The following DBNL variants were observed in gnomAD, a reference collection of about 807,000 sequenced individuals.
DBNL encodes the protein drebrin-like protein.
A neutral mutation model predicts 62.2 loss-of-function variants in DBNL; 35 were observed. The observed-to-expected ratio is 0.56, with a 90% CI of 0.43 to 0.75. The LOEUF is 0.75. Ranked by LOEUF, DBNL falls within the 30% of genes least tolerant of loss-of-function variation. The probability of loss-of-function intolerance (pLI) is 0.00; values close to 1 mark genes in which losing one functional copy is unlikely to be tolerated. For missense variants in DBNL, 495 were observed against 578.4 expected (o/e 0.86, Z 1.48); for synonymous variants, 197 against 218.0 (o/e 0.90, Z 0.85).
Position 44,061,026 on chromosome 7 carries a change from G to A in DBNL, c.*110G>A, listed in dbSNP as rs1008106950. ...CTCTTCCAGGAATAGGACCCCCAGT[G>A]AGGATGAGGCCTCAGGGCTCCCTCC... is the stretch of plus-strand genomic sequence containing the variant. On this transcript the variant is annotated 3_prime_UTR_variant, in exon 13 of 13. Coordinates refer to ENST00000448521, the MANE Select transcript of DBNL (RefSeq NM_001014436.3). The A allele has an allele frequency of 8.0e-5, 114 of 1,432,008 alleles. No individual in the cohort carries two copies. The highest frequency in any genetic ancestry group is 9.4e-5 in the Non-Finnish European group (101 of 1,076,184). The allele number at this position is 1,432,008 out of a possible 1,614,324, so 88.7% of individuals were successfully genotyped here. A position where few individuals can be genotyped will look rare whatever the true frequency, so the allele number is the denominator to read the frequency against.
At chr7:44,057,675 C>G (rs1490728377) in intron 5 of DBNL, 107 bp from the exon 6 acceptor site, 2 of 1,222,308 alleles carry the variant, frequency 1.6e-6, no homozygotes, top group East Asian at 4.8e-5. Flanking sequence ...CCAGTCCTAG[C>G]AGCACTCACC....
Position 44,051,905 on chromosome 7 carries a change from C to T in DBNL, c.215C>T (p.Pro72Leu), listed in dbSNP as rs1230204518. 1 of 1,614,032 alleles carries T rather than the reference C, an allele frequency of 6.2e-7. No homozygotes were observed. Among genetic ancestry groups the T allele is most frequent in the Non-Finnish European group, 8.5e-7 (1 of 1,180,028 alleles). ...VMYAFCRVKD[P>L]NSGLPKFVLI... ...TACGCCTTCTGCAGAGTGAAGGACC[C>T]CAACTCTGGACTGCCCAAATTTGTC... is the stretch of plus-strand genomic sequence containing the variant. The change falls in exon 3 of 13, where the codon CCC becomes CTC. Residue 72 changes from proline (P) to leucine (L), a missense_variant. Pro to Leu is a moderately conservative substitution (Grantham distance 98). Transcript: ENST00000448521.
Position 44,058,294 on chromosome 7 carries a change from G to T in DBNL, c.704+14G>T. On this transcript the variant is annotated intron_variant, in intron 7 of 12. Transcript: ENST00000448521. ...CAGCCCCCAGAGGTGAGCCAGAGGT[G>T]GAGGCTGGCCTGGGGGACCCACCCT... 6.3e-7 allele frequency: 1 copy of T among 1,576,758 alleles called. No homozygotes were observed.
chr7:44,056,130 T>C (rs1215852224), intron 4 of DBNL, among the ~76,000 whole-genome samples: 1 of 152,200 alleles, frequency 6.6e-6, no homozygotes, highest in East Asian at 1.9e-4. Context: ...TTCTTCTGCA[T>C]ATGGATATCC....
intron 1 of DBNL, 26 bp from the exon 2 acceptor site, chr7:44,050,199 C>T (rs2096124079): frequency 8.7e-6 from 14 of 1,612,826 alleles, no homozygotes; most frequent in African/African-American, 1.3e-5. Flanking sequence ...GTGCTGGCTA[C>T]AGAGCTCACT....
In DBNL at chr7:44,061,188, G is replaced by A; in HGVS notation, c.*272G>A. 1 of 459,194 alleles carries A rather than the reference G, an allele frequency of 2.2e-6. No homozygotes were observed. Among genetic ancestry groups the A allele is most frequent in the Non-Finnish European group, 3.9e-6 (1 of 257,312 alleles). The allele number at this position is 459,194 out of a possible 1,614,324, so 28.4% of individuals were successfully genotyped here. On this transcript the variant is annotated 3_prime_UTR_variant, in exon 13 of 13. Coordinates refer to ENST00000448521, the MANE Select transcript of DBNL (RefSeq NM_001014436.3). ...GGATACTGAGCCAAGCCCTGCCTGTGGCCAAGCCCTGAGTGGCCACTGCCA... is the reference window on the plus strand; with the variant it reads ...GGATACTGAGCCAAGCCCTGCCTGTAGCCAAGCCCTGAGTGGCCACTGCCA...
rs969444053 is a variant in DBNL at position 44,056,811 on chromosome 7, A to G, written c.382A>G (p.Ile128Val). 1.2e-6 allele frequency: 2 copies of G among 1,614,094 alleles called. No homozygotes were observed. The highest frequency in any genetic ancestry group is 1.7e-6 in the Non-Finnish European group (2 of 1,180,016). ...RAEEDVEPECIMEKVAKASGA... is the reference protein window; with the variant it reads ...RAEEDVEPECVMEKVAKASGA... ...CGAGGAGGATGTGGAGCCTGAGTGC[A>G]TCATGGAGAAGGTGGCCAAGGCTTC... is the stretch of plus-strand genomic sequence containing the variant. Residue 128 changes from isoleucine to valine, a missense_variant, in exon 5 of 13, where the codon ATC (isoleucine) becomes GTC (valine). By Grantham distance (29) the Ile-to-Val change is conservative. Coordinates refer to ENST00000448521, the MANE Select transcript of DBNL (RefSeq NM_001014436.3).
intron 1 of DBNL, among the ~76,000 whole-genome samples, chr7:44,045,393 A>C (rs980366203): frequency 6.6e-6 from 1 of 152,188 alleles, no homozygotes; most frequent in Non-Finnish European, 1.5e-5. Context: ...GTTTCTCCAA[A>C]AAGTGTACTC....
At chr7:44,050,508 G>T in intron 2 of DBNL, 1 of 442,080 alleles carries the variant, frequency 2.3e-6, no homozygotes, top group Middle Eastern at 6.9e-4. Context: ...TACTTGGGGA[G>T]AGCTGAGAGG....
intron 1 of DBNL, among the ~76,000 whole-genome samples, chr7:44,046,899 C>T (rs1369937850): frequency 6.6e-6 from 1 of 152,222 alleles, no homozygotes; most frequent in Admixed American, 6.5e-5. Flanking sequence ...CACACTGTGG[C>T]CACACCTGTT....
chr7:44,067,353 G>A lies in DBNL; in HGVS notation c.*6437G>A, dbSNP rs2096161907. The A allele has an allele frequency of 1.3e-5, 2 of 152,290 alleles. No individual in the cohort carries two copies. The highest frequency in any genetic ancestry group is 2.4e-5 in the African/African-American group (1 of 41,468). The allele number at this position is 152,290 out of a possible 1,614,324, so 9.4% of individuals were successfully genotyped here. A position where few individuals can be genotyped will look rare whatever the true frequency, so the allele number is the denominator to read the frequency against. On this transcript the variant is annotated 3_prime_UTR_variant, in exon 13 of 13. Coordinates refer to ENST00000448521, the MANE Select transcript of DBNL (RefSeq NM_001014436.3). ...TCAAGTCACTTGCAGCTGTGTAGGA[G>A]TGGAAGTAGAAGCTGAGTACCCTGC... is the stretch of plus-strand genomic sequence containing the variant.
At chr7:44,050,012 T>C in intron 1 of DBNL, 1 of 510,638 alleles carries the variant, frequency 2.0e-6, no homozygotes, top group African/African-American at 1.9e-5. Context: ...GTCAGGCCAG[T>C]GTCCTCCCAG....
chr7:44,049,374 T>C (rs1026364295), intron 1 of DBNL, among the ~76,000 whole-genome samples: 2 of 152,180 alleles, frequency 1.3e-5, no homozygotes, highest in Admixed American at 6.5e-5. Context: ...GCCAGAATGG[T>C]CTCGATCTCC....
chr7:44,062,994 T>G lies in DBNL; in HGVS notation c.*2078T>G, dbSNP rs1003662509. ...CCCAGCCTGTTTACACAGCAGACAC[T>G]ATGTGACCTTTATGGTCCACAGAGC... On this transcript the variant is annotated 3_prime_UTR_variant, in exon 13 of 13. Coordinates refer to ENST00000448521, the MANE Select transcript of DBNL (RefSeq NM_001014436.3). 6 of 1,546,028 alleles carry G rather than the reference T, an allele frequency of 3.9e-6. No homozygotes were observed. In the East Asian group the frequency reaches 1.3e-4, roughly 35 times the overall value.
rs2096127127 is a variant in DBNL at position 44,051,831 on chromosome 7, G to A, written c.141G>A (p.Glu47=). Residue 47 remains glutamate, a splice_region_variant and synonymous_variant, in exon 3 of 13, where the codon GAG becomes GAA. Transcript: ENST00000448521. The part of the protein sequence containing the change: ...SNDIRVAGTG[E]GGLEEMVEEL... ...ACCTTCACTGTGACTCTGCTGCAGAGGGTGGCCTGGAGGAGATGGTGGAGG... is the reference window on the plus strand; with the variant it reads ...ACCTTCACTGTGACTCTGCTGCAGAAGGTGGCCTGGAGGAGATGGTGGAGG... The A allele has an allele frequency of 6.2e-7, 1 of 1,613,948 alleles. No homozygotes were observed. The highest frequency in any genetic ancestry group is 1.3e-5 in the African/African-American group (1 of 74,928).
rs2096113675 is a variant in DBNL, at chr7:44,044,762, G to A, written c.25G>A (p.Gly9Arg). 6.6e-7 allele frequency: 1 copy of A among 1,507,998 alleles called. No homozygotes were observed. The highest frequency in any genetic ancestry group is 8.9e-7 in the Non-Finnish European group (1 of 1,129,452). 93.4% of individuals were successfully genotyped at this position (1,507,998 alleles called of 1,614,324 possible). The change falls in exon 1 of 13, where the codon GGG (glycine) becomes AGG (arginine). Residue 9 changes from glycine to arginine, a missense_variant. Coordinates refer to ENST00000448521, the MANE Select transcript of DBNL (RefSeq NM_001014436.3). MAANLSRN[G>R]PALQEAYVRV... Reference sequence around the variant, plus strand: ...CATGGCGGCGAACCTGAGCCGGAACGGGCCAGCGCTGCAAGAGGCCTACGT... The same window carrying A: ...CATGGCGGCGAACCTGAGCCGGAACAGGCCAGCGCTGCAAGAGGCCTACGT...
rs145985559 is a variant in DBNL at position 44,065,155 on chromosome 7, C to G, written c.*4239C>G. On this transcript the variant is annotated 3_prime_UTR_variant, in exon 13 of 13. Coordinates refer to ENST00000448521, the MANE Select transcript of DBNL (RefSeq NM_001014436.3). ...TGTAGTAGGGGTGCTTCTCGTCCATCGGGGGCGGCGGGATGTCGAAGGAGC... is the reference window on the plus strand; with the variant it reads ...TGTAGTAGGGGTGCTTCTCGTCCATGGGGGGCGGCGGGATGTCGAAGGAGC... 1.9e-6 allele frequency: 3 copies of G among 1,614,058 alleles called. No individual in the cohort carries two copies. The highest frequency in any genetic ancestry group is 2.5e-6 in the Non-Finnish European group (3 of 1,180,026).
chr7:44,046,954 G>C (rs1358947260), intron 1 of DBNL, among the ~76,000 whole-genome samples: 1 of 152,114 alleles, frequency 6.6e-6, no homozygotes, highest in Admixed American at 6.6e-5. Context: ...CTTACAAGCT[G>C]GTTCCTCTTC....
In DBNL at chr7:44,059,202, C is replaced by T; in HGVS notation, c.836-152C>T. 1 of 918,806 alleles carries T rather than the reference C, an allele frequency of 1.1e-6. No individual in the cohort carries two copies. Among genetic ancestry groups the T allele is most frequent in the South Asian group, 1.7e-5 (1 of 59,812 alleles). The allele number at this position is 918,806 out of a possible 1,614,324, so 56.9% of individuals were successfully genotyped here. A position where few individuals can be genotyped will look rare whatever the true frequency, so the allele number is the denominator to read the frequency against. ...GGCTGCGCTGTCTACCACGTCACCACATAGCACATGGCCCTGGGGCCTCTG... is the reference window on the plus strand; with the variant it reads ...GGCTGCGCTGTCTACCACGTCACCATATAGCACATGGCCCTGGGGCCTCTG... On this transcript the variant is annotated intron_variant, in intron 9 of 12. Transcript: ENST00000448521. The surrounding 1 kb of genome is among the most constrained non-coding windows in gnomAD (Gnocchi z 4.1).
Sources: gnomAD v4.1 joint callset for allele counts (sites outside exome capture counted in the v4.1 genomes callset) on GRCh38, gnomAD v4.1.1 for gene constraint, Gnocchi (gnomAD v3.1) non-coding constraint, MANE v1.5 for transcripts, NCBI Gene and HGNC (gene_info 2026-07-23, HGNC 2026-07-21) for gene names.